Variants in RABGAP1L observed in about 807,000 individuals in gnomAD.
The protein encoded by RABGAP1L is RAB GTPase activating protein 1 like.
RABGAP1L carries 63 observed loss-of-function variants against 137.7 expected under a neutral mutation model. The observed-to-expected ratio is 0.46, with a 90% CI of 0.37 to 0.56. RABGAP1L has a LOEUF of 0.56. RABGAP1L is among the 20% of genes least tolerant of loss of function. RABGAP1L has a pLI of 0.00. For synonymous variants in RABGAP1L, 431 were observed against 433.7 expected (o/e 0.99, Z 0.08); for missense variants, 1,095 against 1,244.0 (o/e 0.88, Z 1.80).
At chr1:174,720,632 CT>C (rs1464711064) in intron 17 of RABGAP1L, among the ~76,000 whole-genome samples, 1 of 152,038 alleles carries the variant, frequency 6.6e-6, no homozygotes, top group Non-Finnish European at 1.5e-5. Flanking sequence ...TGGATATTGA[CT>C]TATAAAAGAA....
chr1:174,188,775 G>C (rs922091871), intron 1 of RABGAP1L, among the ~76,000 whole-genome samples: 1 of 152,122 alleles, frequency 6.6e-6, no homozygotes, highest in African/African-American at 2.4e-5. Context: ...AGTAAACAGT[G>C]CTCTAAGCAG....
intron 13 of RABGAP1L, among the ~76,000 whole-genome samples, chr1:174,577,619 A>G (rs1450878488): frequency 1.3e-5 from 2 of 152,170 alleles, no homozygotes; most frequent in African/African-American, 4.8e-5. Context: ...TAAAATATAT[A>G]GTTTCCTAGT....
At chr1:174,959,925 C>T (rs1268150000) in intron 20 of RABGAP1L, among the ~76,000 whole-genome samples, 2 of 152,226 alleles carry the variant, frequency 1.3e-5, no homozygotes, top group South Asian at 2.1e-4. Flanking sequence ...CCTTTTACAT[C>T]TTCTAAATTT....
chr1:174,331,606 G>A (rs527658351), intron 11 of RABGAP1L, among the ~76,000 whole-genome samples: 35 of 152,302 alleles, frequency 2.3e-4, no homozygotes, highest in Non-Finnish European at 3.7e-4. Flanking sequence ...TGGTTAAAAT[G>A]TCTATTATCA....
intron 13 of RABGAP1L, among the ~76,000 whole-genome samples, chr1:174,553,063 C>G (rs1346310497): frequency 6.6e-6 from 1 of 152,052 alleles, no homozygotes; most frequent in African/African-American, 2.4e-5. Flanking sequence ...TCTTTGCCCA[C>G]TTTTTAATGA....
At chr1:174,734,845 C>T (rs185007745) in intron 17 of RABGAP1L, among the ~76,000 whole-genome samples, 149 of 151,916 alleles carry the variant, frequency 9.8e-4, no homozygotes, top group African/African-American at 3.3e-3. Flanking sequence ...AAAATTCTTG[C>T]ACCTTTCCTA....
chr1:174,729,266 C>T (rs1014916795), intron 17 of RABGAP1L, among the ~76,000 whole-genome samples: 9 of 151,946 alleles, frequency 5.9e-5, no homozygotes, highest in Non-Finnish European at 1.2e-4. Flanking sequence ...GGATAGTTGG[C>T]GAGCCATATG....
chr1:174,930,123 A>G (rs1278726888), intron 19 of RABGAP1L, among the ~76,000 whole-genome samples: 1 of 151,240 alleles, frequency 6.6e-6, no homozygotes, highest in Non-Finnish European at 1.5e-5. Context: ...TGTTGGGATT[A>G]CAGGTGTGAA....
intron 13 of RABGAP1L, among the ~76,000 whole-genome samples, chr1:174,432,896 A>G (rs1222093300): frequency 6.6e-6 from 1 of 152,208 alleles, no homozygotes; most frequent in Admixed American, 6.5e-5. Flanking sequence ...GCAATTCAAT[A>G]GAAAAGAGAA....
At chr1:174,250,684 AG>A in intron 6 of RABGAP1L, 52 bp downstream of exon 6, 3 of 1,507,378 alleles carry the variant, frequency 2.0e-6, no homozygotes, top group Non-Finnish European at 2.7e-6. Flanking sequence ...AGTATAATAT[AG>A]GCGCATATAA....
chr1:174,694,258 T>A (rs1156863206), intron 15 of RABGAP1L, among the ~76,000 whole-genome samples: 1 of 151,990 alleles, frequency 6.6e-6, no homozygotes, highest in Non-Finnish European at 1.5e-5. Context: ...TGCAGGTTAG[T>A]TACATATGTA....
At chr1:174,464,098 T>C (rs1389964106) in intron 13 of RABGAP1L, among the ~76,000 whole-genome samples, 2 of 152,164 alleles carry the variant, frequency 1.3e-5, no homozygotes, top group East Asian at 3.8e-4. Flanking sequence ...ACTTAAAATA[T>C]GGAAATATTT....
chr1:174,438,777 T>TATATATAC (rs1653778494), intron 13 of RABGAP1L, among the ~76,000 whole-genome samples: 2 of 141,768 alleles, frequency 1.4e-5, no homozygotes, highest in African/African-American at 5.3e-5. Context: ...TATATATATA[T>TATATATAC]GACTTTTTAA....
In RABGAP1L at chr1:174,957,535, A is replaced by G. The variant is rs1267806057; in HGVS notation, c.2419A>G (p.Met807Val). 3.7e-6 allele frequency: 6 copies of G among 1,605,492 alleles called. No homozygotes were observed. The East Asian group carries it at 6.7e-5, about 18-fold the overall frequency. ...RESQLQQEDP[M>V]DRYKRENRRL... ...GAGTCAGCTGCAACAGGAAGACCCA[A>G]TGGATAGATACAAGGTATGAGAAAT... The change falls in exon 20 of 26, where the codon ATG becomes GTG. Residue 807 changes from methionine to valine, a missense_variant. By Grantham distance (21) the Met-to-Val change is conservative (BLOSUM62 1). This residue lies in a region of RABGAP1L where 312 missense variants were observed against 435.6 expected (regional missense o/e 0.72). Coordinates refer to ENST00000681986, the MANE Select transcript of RABGAP1L (RefSeq NM_001366446.1).
Position 174,990,185 on chromosome 1 carries a change from A to T in RABGAP1L, c.*184A>T. The T allele has an allele frequency of 1.5e-6, 1 of 664,532 alleles. No homozygotes were observed. The highest frequency in any genetic ancestry group is 2.4e-6 in the Non-Finnish European group (1 of 423,358). 41.2% of individuals were successfully genotyped at this position (664,532 alleles called of 1,614,324 possible). ...GATGCTATTTAAACTGACCTGTTCT[A>T]TGTTGAATACCTATTTTCCAGCTTC... On this transcript the variant is annotated 3_prime_UTR_variant, in exon 26 of 26. Coordinates refer to ENST00000681986, the MANE Select transcript of RABGAP1L (RefSeq NM_001366446.1).
chr1:174,319,827 A>G (rs1679777543), intron 11 of RABGAP1L, among the ~76,000 whole-genome samples: 1 of 152,110 alleles, frequency 6.6e-6, no homozygotes, highest in African/African-American at 2.4e-5. Flanking sequence ...TGTTGATGTG[A>G]TAGAGTAATT....
intron 17 of RABGAP1L, among the ~76,000 whole-genome samples, chr1:174,718,837 CTTTT>C (rs11337437): frequency 4.7e-5 from 5 of 106,410 alleles, no homozygotes; most frequent in Admixed American, 2.0e-4. Context: ...TTTTCTTTTC[CTTTT>C]TTTTTTTTTT....
chr1:174,656,714 T>G (rs1676000883), intron 14 of RABGAP1L, among the ~76,000 whole-genome samples: 1 of 152,222 alleles, frequency 6.6e-6, no homozygotes, highest in Non-Finnish European at 1.5e-5. Context: ...TTACTGACTT[T>G]TGTGAACTAA....
chr1:174,376,541 G>GA, intron 12 of RABGAP1L, among the ~76,000 whole-genome samples: 1 of 152,228 alleles, frequency 6.6e-6, no homozygotes, highest in South Asian at 2.1e-4. Context: ...TTTGACATTT[G>GA]AAAATAAATC....
Sources: allele counts gnomAD v4.1 joint callset (sites outside exome capture counted in the v4.1 genomes callset), GRCh38; gene constraint gnomAD v4.1.1; regional missense constraint gnomAD v4.1.1; transcripts MANE v1.5; gene names NCBI Gene and HGNC (gene_info 2026-07-23, HGNC 2026-07-21).